SSBP2: variants seen among roughly 807,000 people sequenced by gnomAD.
SSBP2 encodes the protein single stranded DNA binding protein 2, also known as single-stranded DNA-binding protein 2.
SSBP2 carries 17 observed loss-of-function variants against 61.8 expected under a neutral mutation model. The ratio of observed to expected loss-of-function variants is 0.28; its 90% CI spans 0.19 to 0.41. SSBP2 has a LOEUF of 0.41. SSBP2 is among the 10% of genes least tolerant of loss of function. The pLI is 1.00. For synonymous variants in SSBP2, 139 were observed against 141.3 expected (o/e 0.98, Z 0.12); for missense variants, 310 against 458.7 (o/e 0.68, Z 2.96).
At chr5:81,508,306 C>A (rs1768334677) in intron 5 of SSBP2, among the ~76,000 whole-genome samples, 3 of 152,140 alleles carry the variant, frequency 2.0e-5, no homozygotes, top group Admixed American at 2.0e-4. Context: ...TAAAGTCATT[C>A]ATCAGTTCCA....
At chr5:81,442,770 C>T in intron 12 of SSBP2, 47 bp from the exon 13 acceptor site, 1 of 981,600 alleles carries the variant, frequency 1.0e-6, no homozygotes, top group Non-Finnish European at 1.5e-6. Flanking sequence ...AGAGTCTATA[C>T]CCAATTCATC....
chr5:81,536,135 G>A (rs1259046308), intron 4 of SSBP2, among the ~76,000 whole-genome samples: 1 of 152,096 alleles, frequency 6.6e-6, no homozygotes, highest in Non-Finnish European at 1.5e-5. Context: ...TATGAAAAGA[G>A]GTCCTACATA....
chr5:81,748,258 AAATT>A (rs1198656648), intron 1 of SSBP2, among the ~76,000 whole-genome samples: 11 of 152,218 alleles, frequency 7.2e-5, no homozygotes, highest in Admixed American at 1.3e-4. Context: ...TTACAGAAAC[AAATT>A]ATTTCTGTGA....
At chr5:81,555,511 C>CTTA (rs1471761884) in intron 4 of SSBP2, among the ~76,000 whole-genome samples, 1 of 152,010 alleles carries the variant, frequency 6.6e-6, no homozygotes, top group Non-Finnish European at 1.5e-5. Context: ...GAGCATTTTC[C>CTTA]TTATACATCT....
chr5:81,720,723 G>A (rs967239077), intron 1 of SSBP2, among the ~76,000 whole-genome samples: 1 of 152,138 alleles, frequency 6.6e-6, no homozygotes, highest in Admixed American at 6.5e-5. Context: ...AATGTCATCA[G>A]TTATGCATTT....
intron 4 of SSBP2, among the ~76,000 whole-genome samples, chr5:81,603,901 T>C (rs1045694424): frequency 2.0e-5 from 3 of 152,172 alleles, no homozygotes; most frequent in Admixed American, 2.0e-4. Context: ...AATAGTTTAG[T>C]GTTTCTAAAC....
intron 4 of SSBP2, among the ~76,000 whole-genome samples, chr5:81,581,281 A>G (rs1474780415): frequency 6.6e-6 from 1 of 152,216 alleles, no homozygotes; most frequent in Non-Finnish European, 1.5e-5. Flanking sequence ...GAGGACATGA[A>G]GAATACTAAA....
chr5:81,665,811 T>G (rs1163135537), intron 1 of SSBP2, among the ~76,000 whole-genome samples: 2 of 152,074 alleles, frequency 1.3e-5, no homozygotes, highest in Admixed American at 1.3e-4. Flanking sequence ...AGCCTTGGAG[T>G]CATTTTAGAT....
intron 1 of SSBP2, among the ~76,000 whole-genome samples, chr5:81,704,884 T>G (rs1754258424): frequency 6.6e-6 from 1 of 151,980 alleles, no homozygotes; most frequent in South Asian, 2.1e-4. Context: ...GTTTCTTTAT[T>G]TCCAGACCAC....
Position 81,606,727 on chromosome 5 carries a change from T to C in SSBP2, c.282+8746A>G, listed in dbSNP as rs1010881230. ...TGCTACCTCTTGTATTTCTCTGTAG[T>C]GAATGAAGTTAGAATCCTACACAAA... On this transcript the variant is annotated intron_variant, in intron 4 of 16. Transcript: ENST00000320672. Among the ~76,000 whole-genome samples, 5 of 152,172 alleles carry C rather than the reference T, an allele frequency of 3.3e-5. No homozygotes were observed. The East Asian group carries it at 5.8e-4, about 18-fold the overall frequency.
intron 1 of SSBP2, among the ~76,000 whole-genome samples, chr5:81,732,288 A>C (rs1209981300): frequency 6.6e-6 from 1 of 152,218 alleles, no homozygotes; most frequent in Non-Finnish European, 1.5e-5. Context: ...CTATAATATG[A>C]ATAAATCAAT....
At chr5:81,433,614 GAAAAC>G (rs1339815884) in intron 15 of SSBP2, among the ~76,000 whole-genome samples, 5 of 141,060 alleles carry the variant, frequency 3.5e-5, no homozygotes, top group Non-Finnish European at 7.7e-5. Context: ...AAAAAAGAAA[GAAAAC>G]AAACCATATA....
intron 4 of SSBP2, among the ~76,000 whole-genome samples, chr5:81,607,650 T>A (rs1490478799): frequency 6.6e-6 from 1 of 152,138 alleles, no homozygotes; most frequent in African/African-American, 2.4e-5. Flanking sequence ...ATCATTTAAG[T>A]CCATTTAATT....
chr5:81,594,135 G>A (rs1441642825), intron 4 of SSBP2, among the ~76,000 whole-genome samples: 1 of 152,012 alleles, frequency 6.6e-6, no homozygotes. Context: ...CAAAATAAAG[G>A]GATAGAAGAA....
At chr5:81,551,544 G>A (rs1474523204) in intron 4 of SSBP2, among the ~76,000 whole-genome samples, 2 of 152,058 alleles carry the variant, frequency 1.3e-5, no homozygotes, top group Non-Finnish European at 2.9e-5. Context: ...TGAACAACAA[G>A]TGATTCCAGG....
intron 5 of SSBP2, among the ~76,000 whole-genome samples, chr5:81,509,799 T>C (rs960588184): frequency 6.6e-6 from 1 of 152,198 alleles, no homozygotes; most frequent in African/African-American, 2.4e-5. Flanking sequence ...ATAAAGACAC[T>C]AAACTTATCC....
intron 16 of SSBP2, among the ~76,000 whole-genome samples, chr5:81,423,109 G>C (rs902227416): frequency 6.6e-6 from 1 of 152,080 alleles, no homozygotes; most frequent in Non-Finnish European, 1.5e-5. Context: ...TGGCAAAATG[G>C]GCACAGATAA....
intron 1 of SSBP2, among the ~76,000 whole-genome samples, chr5:81,722,867 A>G (rs988056830): frequency 6.6e-6 from 1 of 151,978 alleles, no homozygotes; most frequent in African/African-American, 2.4e-5. Flanking sequence ...ATGCATAATC[A>G]CAATATCAAA....
intron 2 of SSBP2, among the ~76,000 whole-genome samples, chr5:81,642,955 A>C (rs1226468052): frequency 1.3e-5 from 2 of 152,176 alleles, no homozygotes; most frequent in Non-Finnish European, 1.5e-5. Context: ...TGCTTCTGGC[A>C]AGGTATACTG....
Sources: gnomAD v4.1 joint callset for allele counts (sites outside exome capture counted in the v4.1 genomes callset) on GRCh38, gnomAD v4.1.1 for gene constraint, MANE v1.5 for transcripts, NCBI Gene and HGNC (gene_info 2026-07-23, HGNC 2026-07-21) for gene names.